KHDRBS2: variants seen among roughly 807,000 people sequenced by gnomAD.
KHDRBS2 encodes KH RNA binding domain containing, signal transduction associated 2.
Under a neutral mutation model 44.3 loss-of-function variants are expected in KHDRBS2, and 26 were observed. The ratio of observed to expected loss-of-function variants is 0.59; its 90% confidence interval spans 0.43 to 0.81. KHDRBS2 has a LOEUF of 0.81. KHDRBS2 is among the 40% of genes least tolerant of loss of function. The pLI, the probability that KHDRBS2 is intolerant of heterozygous loss-of-function variation, is 0.00. For synonymous variants in KHDRBS2, 194 were observed against 151.1 expected (o/e 1.28, Z -2.08); for missense variants, 476 against 433.1 (o/e 1.10, Z -0.88).
chr6:61,795,126 C>T (rs1308465601), intron 6 of KHDRBS2, among the ~76,000 whole-genome samples: 1 of 107,488 alleles, frequency 9.3e-6, no homozygotes, highest in African/African-American at 3.8e-5. Context: ...CGACTGGCAA[C>T]AGAGCGAGAC....
chr6:61,561,036 G>T, the KHDRBS2 span, among the ~76,000 whole-genome samples: 2 of 152,060 alleles, frequency 1.3e-5, no homozygotes, highest in African/African-American at 2.4e-5. Context: ...ATCTGTATTA[G>T]GTAGGCACCC....
intron 2 of KHDRBS2, among the ~76,000 whole-genome samples, chr6:62,063,753 C>A (rs1226227346): frequency 7.8e-6 from 1 of 127,468 alleles, no homozygotes; most frequent in Non-Finnish European, 1.7e-5. Flanking sequence ...CACTCCTATT[C>A]AACATAGTGT....
chr6:61,964,045 A>G (rs1384609492), intron 4 of KHDRBS2, among the ~76,000 whole-genome samples: 1 of 152,042 alleles, frequency 6.6e-6, no homozygotes, highest in Non-Finnish European at 1.5e-5. Flanking sequence ...AATGTCATCT[A>G]AAGACATGTA....
intron 6 of KHDRBS2, among the ~76,000 whole-genome samples, chr6:61,853,911 A>T (rs369243612): frequency 7.0e-4 from 106 of 152,320 alleles, no homozygotes; most frequent in African/African-American, 2.4e-3. Context: ...AACCTTTCAT[A>T]CTGTCTTAAG....
At chr6:61,574,428 G>A in the KHDRBS2 span, 1 of 1,493,220 alleles carries the variant, frequency 6.7e-7, no homozygotes, top group Middle Eastern at 2.4e-4. Context: ...AGACCATATG[G>A]AGCTTCAATT....
chr6:62,171,106 T>C (rs1819909791), intron 2 of KHDRBS2, among the ~76,000 whole-genome samples: 3 of 152,052 alleles, frequency 2.0e-5, no homozygotes, highest in Admixed American at 1.3e-4. Context: ...TCCCCAACAA[T>C]GGTTCTTAAC....
chr6:61,594,712 A>G, the KHDRBS2 span, among the ~76,000 whole-genome samples: 2 of 152,092 alleles, frequency 1.3e-5, no homozygotes, highest in Non-Finnish European at 2.9e-5. Flanking sequence ...CTTCCCATAT[A>G]ACTTAACATA....
At chr6:61,919,864 T>C (rs1312033844) in intron 4 of KHDRBS2, among the ~76,000 whole-genome samples, 1 of 151,932 alleles carries the variant, frequency 6.6e-6, no homozygotes, top group Non-Finnish European at 1.5e-5. Flanking sequence ...CTACACATGG[T>C]ACTCTTAACA....
the KHDRBS2 span, among the ~76,000 whole-genome samples, chr6:61,568,129 T>C: frequency 2.6e-5 from 4 of 152,206 alleles, no homozygotes; most frequent in East Asian, 7.7e-4. Flanking sequence ...TTGTTGATTT[T>C]ATCAAATATC....
chr6:61,935,592 A>G (rs1423320044), intron 4 of KHDRBS2, among the ~76,000 whole-genome samples: 1 of 152,162 alleles, frequency 6.6e-6, no homozygotes, highest in Non-Finnish European at 1.5e-5. Flanking sequence ...GAAATTATGC[A>G]CATTACTCTT....
chr6:61,974,365 C>A (rs1772056056), intron 4 of KHDRBS2, among the ~76,000 whole-genome samples: 1 of 151,696 alleles, frequency 6.6e-6, no homozygotes, highest in East Asian at 2.0e-4. Flanking sequence ...GTATAAAATA[C>A]AATAGTGGCA....
intron 4 of KHDRBS2, among the ~76,000 whole-genome samples, chr6:61,939,900 T>G (rs1811807512): frequency 6.6e-6 from 1 of 152,192 alleles, no homozygotes; most frequent in Non-Finnish European, 1.5e-5. Context: ...GTATACACAT[T>G]AGAGCAGAAT....
chr6:61,799,817 C>G (rs1582904313), intron 6 of KHDRBS2, among the ~76,000 whole-genome samples: 1 of 152,036 alleles, frequency 6.6e-6, no homozygotes, highest in East Asian at 1.9e-4. Flanking sequence ...CTTCCACTGT[C>G]AAGACTATAC....
chr6:61,691,580 A>C (rs146996131), intron 8 of KHDRBS2, among the ~76,000 whole-genome samples: 1 of 152,086 alleles, frequency 6.6e-6, no homozygotes, highest in Non-Finnish European at 1.5e-5. Flanking sequence ...TTATTTGCAT[A>C]TATTATTTTT....
chr6:61,835,528 T>C (rs1307785621), intron 6 of KHDRBS2, among the ~76,000 whole-genome samples: 2 of 151,956 alleles, frequency 1.3e-5, no homozygotes, highest in African/African-American at 4.8e-5. Flanking sequence ...TGAAATAGCT[T>C]TGAACAGTGC....
chr6:61,582,991 G>A, the KHDRBS2 span, among the ~76,000 whole-genome samples: 1 of 151,870 alleles, frequency 6.6e-6, no homozygotes, highest in South Asian at 2.1e-4. Context: ...CACTGGAATA[G>A]TAATGTAAAC....
At chr6:62,119,956 T>A (rs1350559008) in intron 2 of KHDRBS2, among the ~76,000 whole-genome samples, 1 of 151,954 alleles carries the variant, frequency 6.6e-6, no homozygotes, top group Non-Finnish European at 1.5e-5. Flanking sequence ...AGTGCACTAC[T>A]CCCCAAAAGA....
At chr6:61,636,005 G>C in the KHDRBS2 span, among the ~76,000 whole-genome samples, 1 of 151,968 alleles carries the variant, frequency 6.6e-6, no homozygotes, top group African/African-American at 2.4e-5. Context: ...GAAAATTATA[G>C]AGTTAACTTT....
the KHDRBS2 span, among the ~76,000 whole-genome samples, chr6:61,644,035 A>T: frequency 6.6e-6 from 1 of 152,082 alleles, no homozygotes; most frequent in African/African-American, 2.4e-5. Context: ...GGGGGCATCA[A>T]GTTACTTGAC....
Sources: allele counts gnomAD v4.1 joint callset (sites outside exome capture counted in the v4.1 genomes callset), GRCh38; gene constraint gnomAD v4.1.1; transcripts MANE v1.5; gene names NCBI Gene and HGNC (gene_info 2026-07-23, HGNC 2026-07-21).